DIP2C: variants seen among roughly 807,000 people sequenced by gnomAD.
DIP2C encodes DIP2 acetate--CoA ligase C (putative).
A neutral mutation model predicts 192.4 loss-of-function variants in DIP2C; 33 were observed. The ratio of observed to expected loss-of-function variants is 0.17; its 90% CI spans 0.13 to 0.23. The LOEUF is 0.23. Among genes scored for constraint, DIP2C ranks in the 10% least tolerant of loss-of-function variants. DIP2C has a pLI of 1.00. For synonymous variants in DIP2C, 979 were observed against 864.1 expected (o/e 1.13, Z -2.33); for missense variants, 1,537 against 2,110.1 (o/e 0.73, Z 5.32).
At chr10:688,755 C>T (rs980924545) in intron 1 of DIP2C, among the ~76,000 whole-genome samples, 3 of 152,264 alleles carry the variant, frequency 2.0e-5, no homozygotes, top group Non-Finnish European at 2.9e-5. Context: ...GCGTACACAA[C>T]CCTCCATAAG....
chr10:579,838 A>G (rs552768362), intron 1 of DIP2C, among the ~76,000 whole-genome samples: 2 of 152,180 alleles, frequency 1.3e-5, no homozygotes, highest in South Asian at 4.1e-4. Context: ...TAGCATGTAC[A>G]CACATCTGTA....
At chr10:356,307 A>G (rs933406518) in intron 24 of DIP2C, 119 bp downstream of exon 24, 3 of 1,193,374 alleles carry the variant, frequency 2.5e-6, no homozygotes, top group Non-Finnish European at 3.7e-6. Context: ...AGCAAAACAT[A>G]AAAAGAATTC....
Position 387,700 on chromosome 10 carries a change from G to A in DIP2C, c.1662+45C>T, listed in dbSNP as rs748579943. 60 of 1,597,346 alleles carry A rather than the reference G, an allele frequency of 3.8e-5. No homozygotes were observed. In the Middle Eastern group the frequency reaches 1.3e-3, roughly 36 times the overall value. ...CTGTGTGGACAGGCAGGGCAGGGTG[G>A]GGGACTCCTTTGTGGACAGACACGG... On this transcript the variant is annotated intron_variant, in intron 14 of 36. Transcript: ENST00000280886.
chr10:593,049 G>A (rs1172738456), intron 1 of DIP2C, among the ~76,000 whole-genome samples: 2 of 152,168 alleles, frequency 1.3e-5, no homozygotes, highest in South Asian at 4.2e-4. Flanking sequence ...GGGTATGAGA[G>A]AGTAGCTTAC....
chr10:377,143 T>TG (rs1961700190), intron 17 of DIP2C, among the ~76,000 whole-genome samples: 1 of 145,956 alleles, frequency 6.9e-6, no homozygotes, highest in Non-Finnish European at 1.5e-5. Context: ...GCAGCGCAGT[T>TG]TTTTTTTTTT....
intron 1 of DIP2C, among the ~76,000 whole-genome samples, chr10:489,284 C>A (rs776185289): frequency 1.1e-4 from 17 of 152,232 alleles, no homozygotes; most frequent in African/African-American, 4.1e-4. Context: ...CATGAGCAAA[C>A]CTTCTAGCAG....
At chr10:547,074 G>A (rs1415475987) in intron 1 of DIP2C, among the ~76,000 whole-genome samples, 2 of 152,210 alleles carry the variant, frequency 1.3e-5, no homozygotes, top group Non-Finnish European at 2.9e-5. Context: ...GTGCCTCTGA[G>A]CTAAGATAAC....
chr10:417,710 AAATAGGCC>A (rs1965779530), intron 6 of DIP2C, among the ~76,000 whole-genome samples: 3 of 79,000 alleles, frequency 3.8e-5, no homozygotes, highest in Admixed American at 1.3e-4. Flanking sequence ...CTGTCGGCTC[AAATAGGCC>A]TCCCTGTCTG....
intron 1 of DIP2C, among the ~76,000 whole-genome samples, chr10:615,075 C>T (rs1308930583): frequency 3.3e-5 from 5 of 152,236 alleles, no homozygotes; most frequent in Non-Finnish European, 7.3e-5. Context: ...GCAGCGCTGT[C>T]CCAAGCCCTC....
chr10:381,403 C>T (rs983215548), intron 17 of DIP2C, among the ~76,000 whole-genome samples: 3 of 152,166 alleles, frequency 2.0e-5, no homozygotes, highest in African/African-American at 7.2e-5. Context: ...TAAAATTGTA[C>T]CTTTAATCCT....
rs370170233 is a variant in DIP2C, at chr10:369,411, C to T, written c.2131+83G>A. Reference sequence around the variant, plus strand: ...AGGGCACACCACGGGAACGCGGGAACGTGGGAACGCAGGCTTTGGTGACAT... The same window carrying T: ...AGGGCACACCACGGGAACGCGGGAATGTGGGAACGCAGGCTTTGGTGACAT... On this transcript the variant is annotated intron_variant, in intron 18 of 36. Transcript: ENST00000280886. 9.8e-5 allele frequency: 142 copies of T among 1,455,544 alleles called. No individual in the cohort carries two copies. In the East Asian group the frequency reaches 1.8e-3, roughly 19 times the overall value. The allele number at this position is 1,455,544 out of a possible 1,614,324, so 90.2% of individuals were successfully genotyped here.
chr10:370,160 G>C, intron 17 of DIP2C: 2 of 630,032 alleles, frequency 3.2e-6, no homozygotes, highest in South Asian at 7.0e-5. Context: ...TCTAAAATAA[G>C]ATTTACGCTG....
intron 1 of DIP2C, among the ~76,000 whole-genome samples, chr10:647,068 A>G (rs1326270948): frequency 6.6e-6 from 1 of 152,244 alleles, no homozygotes; most frequent in East Asian, 1.9e-4. Context: ...AGGGAAACTG[A>G]GTCCACGTCC....
intron 31 of DIP2C, among the ~76,000 whole-genome samples, chr10:314,914 G>A (rs754947008): frequency 5.3e-5 from 8 of 152,168 alleles, no homozygotes; most frequent in Non-Finnish European, 8.8e-5. Context: ...CAGACATTCT[G>A]ACCTCAGCAA....
intron 1 of DIP2C, among the ~76,000 whole-genome samples, chr10:673,819 G>T (rs1365130288): frequency 6.6e-6 from 1 of 152,214 alleles, no homozygotes; most frequent in Non-Finnish European, 1.5e-5. Context: ...GCCGTCTCCT[G>T]CCCCAGGTGC....
intron 1 of DIP2C, among the ~76,000 whole-genome samples, chr10:535,177 C>T (rs1213220942): frequency 2.6e-5 from 4 of 152,026 alleles, no homozygotes; most frequent in African/African-American, 4.8e-5. Flanking sequence ...CCTCCTCTAC[C>T]GCAGCCTGTT....
intron 31 of DIP2C, chr10:324,913 CT>C: frequency 5.6e-6 from 3 of 532,206 alleles, no homozygotes; most frequent in Non-Finnish European, 1.2e-5. Flanking sequence ...TGTTTTGGTT[CT>C]TTTTTCACGT....
chr10:336,993 T>C (rs1442056243), intron 29 of DIP2C, among the ~76,000 whole-genome samples: 14 of 102,970 alleles, frequency 1.4e-4, no homozygotes, highest in East Asian at 3.0e-4. Context: ...TGTGTGTGTG[T>C]TGTGGAGGCC....
intron 2 of DIP2C, among the ~76,000 whole-genome samples, chr10:480,959 C>T (rs1843559822): frequency 1.3e-5 from 2 of 152,184 alleles, no homozygotes; most frequent in Admixed American, 1.3e-4. Context: ...TTTAAAACAC[C>T]CTTACCCTGT....
Sources: allele counts gnomAD v4.1 joint callset (sites outside exome capture counted in the v4.1 genomes callset), GRCh38; gene constraint gnomAD v4.1.1; transcripts MANE v1.5; gene names NCBI Gene and HGNC (gene_info 2026-07-23, HGNC 2026-07-21).